Variants in KIF25 observed in about 807,000 individuals in gnomAD.
KIF25 encodes kinesin family member 25.
Under a neutral mutation model 32.9 loss-of-function variants are expected in KIF25, and 19 were observed. The observed-to-expected ratio is 0.58, with a 90% CI of 0.40 to 0.85. The LOEUF is 0.85. Ranked by LOEUF, KIF25 falls within the 40% of genes least tolerant of loss-of-function variation. The pLI is 0.00. For synonymous variants in KIF25, 225 were observed against 213.7 expected, an observed-to-expected ratio of 1.05 and a Z score of -0.46; for missense variants, 485 against 507.0, an observed-to-expected ratio of 0.96 and a Z score of 0.42.
chr6:168,005,322 G>A (rs943564440), intron 4 of KIF25, among the ~76,000 whole-genome samples: 1 of 152,208 alleles, frequency 6.6e-6, no homozygotes, highest in Non-Finnish European at 1.5e-5. Flanking sequence ...TTTGTTGAAT[G>A]TGGGGTCTAC....
At chr6:168,014,923 C>T (rs1391584405) in intron 4 of KIF25, among the ~76,000 whole-genome samples, 2 of 152,166 alleles carry the variant, frequency 1.3e-5, no homozygotes, top group Non-Finnish European at 2.9e-5. Context: ...CAGTTACTGA[C>T]CTGAATGTCT....
At chr6:168,024,261 TTCA>T (rs1378863418) in intron 5 of KIF25, among the ~76,000 whole-genome samples, 2 of 152,230 alleles carry the variant, frequency 1.3e-5, no homozygotes, top group Non-Finnish European at 2.9e-5. Flanking sequence ...ATGGCTTAGC[TTCA>T]TCATGTTTGT....
intron 10 of KIF25, among the ~76,000 whole-genome samples, chr6:168,041,149 A>T (rs1799113015): frequency 6.6e-6 from 1 of 152,246 alleles, no homozygotes; most frequent in South Asian, 2.1e-4. Flanking sequence ...TTGACACTGG[A>T]AAGGCCATTT....
At chr6:168,027,217 C>T (rs770809962) in intron 5 of KIF25, among the ~76,000 whole-genome samples, 2 of 152,110 alleles carry the variant, frequency 1.3e-5, no homozygotes, top group Non-Finnish European at 2.9e-5. Context: ...CTTTGGGAGG[C>T]AGAGGCGGGC....
At chr6:168,015,174 G>A (rs1363240968) in intron 4 of KIF25, among the ~76,000 whole-genome samples, 1 of 152,120 alleles carries the variant, frequency 6.6e-6, no homozygotes, top group Non-Finnish European at 1.5e-5. Flanking sequence ...AGGCAGCCTT[G>A]GCTTGCACGG....
At chr6:168,005,393 T>C (rs948596187) in intron 4 of KIF25, among the ~76,000 whole-genome samples, 2 of 152,088 alleles carry the variant, frequency 1.3e-5, no homozygotes, top group African/African-American at 4.8e-5. Context: ...CACGCTGCCC[T>C]GCGGGGTTGG....
At chr6:168,030,614 C>T in intron 6 of KIF25, 159 bp from the exon 7 acceptor site, 2 of 536,634 alleles carry the variant, frequency 3.7e-6, no homozygotes, top group South Asian at 2.6e-5. Flanking sequence ...CCTCTGTTAT[C>T]TTGAAAAATA....
At chr6:168,001,681 C>T (rs1205846530) in intron 2 of KIF25, among the ~76,000 whole-genome samples, 3 of 123,556 alleles carry the variant, frequency 2.4e-5, no homozygotes. Flanking sequence ...ACACCTGAGG[C>T]GTGGCCTCGG....
At chr6:168,017,199 A>ACG (rs1459274577) in intron 4 of KIF25, among the ~76,000 whole-genome samples, 2 of 131,694 alleles carry the variant, frequency 1.5e-5, no homozygotes, top group African/African-American at 2.6e-5. Flanking sequence ...GCAGACACAC[A>ACG]CACACAGACA....
rs771464160 is a variant in KIF25, at chr6:168,038,654, C to T, written c.419C>T (p.Ala140Val). The change falls in exon 9 of 13, where the codon GCA (alanine) becomes GTA (valine). Residue 140 changes from alanine (A) to valine (V), a missense_variant. Physicochemically the swap from Ala to Val is moderately conservative, Grantham distance 64. Transcript: ENST00000643607. ...IFDLLAKDSI[A>V]AVSGVKREVV... ...GACCTTCTGGCCAAAGACAGCATTG[C>T]AGCAGTGTCGGGGGTCAAGCGTGAG... is the stretch of plus-strand genomic sequence containing the variant. The T allele has an allele frequency of 6.2e-7, 1 of 1,614,180 alleles. No individual in the cohort carries two copies. Among genetic ancestry groups the T allele is most frequent in the Admixed American group, 1.7e-5 (1 of 60,028 alleles).
chr6:168,013,031 G>A (rs1798668649), intron 4 of KIF25, among the ~76,000 whole-genome samples: 1 of 152,038 alleles, frequency 6.6e-6, no homozygotes, highest in Non-Finnish European at 1.5e-5. Flanking sequence ...GCCTGGCTCG[G>A]GGATATGCTT....
In KIF25 at chr6:168,044,917, G is replaced by A. The variant is rs774850626; in HGVS notation, c.1076G>A (p.Arg359Gln). Residue 359 changes from arginine to glutamine, a missense_variant, in exon 13 of 13, where the codon CGA (arginine) becomes CAA (glutamine). By Grantham distance (43) the Arg-to-Gln change is conservative. Transcript: ENST00000643607. ...TTGCAGGGCCTGGGTTTCGGGATCC[G>A]AGCTCGGCAAGTCCAGCGAGGCCCT... Reference protein sequence around the residue: ...QTLQGLGFGIRARQVQRGPAR... With the variant: ...QTLQGLGFGIQARQVQRGPAR... The A allele has an allele frequency of 8.7e-6, 14 of 1,613,084 alleles. No individual in the cohort carries two copies. The highest frequency in any genetic ancestry group is 4.0e-5 in the African/African-American group (3 of 74,940).
rs897926570 is a variant in KIF25, at chr6:167,998,444, G to A, written c.-1025G>A. 2.6e-5 allele frequency: 4 copies of A among 152,236 alleles called. No individual in the cohort carries two copies. The highest frequency in any genetic ancestry group is 4.8e-5 in the African/African-American group (2 of 41,462). 9.4% of individuals were successfully genotyped at this position (152,236 alleles called of 1,614,324 possible). ...AAATGTAGAAGGAGCTGCTCAGCATGACAGGGTGGATAAACTTGCTGTGGA... is the reference window on the plus strand; with the variant it reads ...AAATGTAGAAGGAGCTGCTCAGCATAACAGGGTGGATAAACTTGCTGTGGA... On this transcript the variant is annotated 5_prime_UTR_variant, in exon 1 of 13. An upstream start codon of the reference 5' UTR is lost. Coordinates refer to ENST00000643607, the MANE Select transcript of KIF25 (RefSeq NM_030615.4).
intron 9 of KIF25, among the ~76,000 whole-genome samples, chr6:168,039,119 A>G (rs1268636151): frequency 6.6e-6 from 1 of 152,144 alleles, no homozygotes; most frequent in Non-Finnish European, 1.5e-5. Flanking sequence ...ATAAAAGTAA[A>G]AAAAACCACA....
At position 168,038,544 on chromosome 6, in the gene KIF25, T is replaced by C; in HGVS notation, c.318-9T>C. 1.9e-6 allele frequency: 3 copies of C among 1,613,762 alleles called. No homozygotes were observed. The highest frequency in any genetic ancestry group is 2.5e-6 in the Non-Finnish European group (3 of 1,179,704). ...TTTCTGTAAGTTTCTCTTGTGTGTT[T>C]TCCCGCAGGCTCATTTTGGAAAATA... On this transcript the variant is annotated splice_polypyrimidine_tract_variant and intron_variant, in intron 8 of 12. Coordinates refer to ENST00000643607, the MANE Select transcript of KIF25 (RefSeq NM_030615.4).
intron 9 of KIF25, among the ~76,000 whole-genome samples, chr6:168,039,046 A>G (rs1200001792): frequency 6.6e-6 from 1 of 152,264 alleles, no homozygotes; most frequent in African/African-American, 2.4e-5. Context: ...ATATCAAAAT[A>G]TCAAGGTGTA....
In KIF25 at chr6:168,038,906, T is replaced by G. The variant is rs185805514; in HGVS notation, c.494+177T>G. Among the ~76,000 whole-genome samples, 205 of 152,302 alleles carry G rather than the reference T, an allele frequency of 1.3e-3. 1 individual carries two copies. The highest frequency in any genetic ancestry group is 4.8e-3 in the African/African-American group (198 of 41,568). On this transcript the variant is annotated intron_variant, in intron 9 of 12. Transcript: ENST00000643607. ...TTGTCACTGAGTGGTTCCTTGTGTG[T>G]TTTCATGCTTCGTATGTGTTGCACA...
At chr6:168,042,862 C>T (rs181810345) in intron 12 of KIF25, 146 bp downstream of exon 12, 12 of 946,092 alleles carry the variant, frequency 1.3e-5, no homozygotes, top group South Asian at 1.7e-5. Flanking sequence ...GGCACTCCCA[C>T]GGCACGGTGG....
At chr6:168,013,904 G>T (rs1342725960) in intron 4 of KIF25, among the ~76,000 whole-genome samples, 1 of 152,160 alleles carries the variant, frequency 6.6e-6, no homozygotes, top group East Asian at 1.9e-4. Flanking sequence ...TCCGAGCTCA[G>T]CTGTGTAGTC....
Sources: gnomAD v4.1 joint callset for allele counts (sites outside exome capture counted in the v4.1 genomes callset) on GRCh38, gnomAD v4.1.1 for gene constraint, MANE v1.5 for transcripts, NCBI Gene and HGNC (gene_info 2026-07-23, HGNC 2026-07-21) for gene names.